Variants in DNAH5 observed in about 807,000 individuals in gnomAD.
DNAH5 encodes axonemal beta dynein heavy chain 5.
Under a neutral mutation model 518.2 loss-of-function variants are expected in DNAH5, and 372 were observed. The observed-to-expected ratio is 0.72, with a 90% confidence interval of 0.66 to 0.78. DNAH5 has a LOEUF of 0.78. Ranked by LOEUF, DNAH5 falls within the 30% of genes least tolerant of loss-of-function variation. DNAH5 has a pLI of 0.00. For missense variants in DNAH5, 5,523 were observed against 5,687.0 expected, an observed-to-expected ratio of 0.97 and a Z score of 0.93; for synonymous variants, 2,039 against 2,025.9, an observed-to-expected ratio of 1.01 and a Z score of -0.17.
At chr5:13,878,334 A>G (rs1167089816) in intron 21 of DNAH5, among the ~76,000 whole-genome samples, 1 of 152,236 alleles carries the variant, frequency 6.6e-6, no homozygotes, top group East Asian at 1.9e-4. Flanking sequence ...ACATGGAAAC[A>G]CTACCAGGGG....
chr5:13,729,874 G>T (rs1382864867), intron 68 of DNAH5, among the ~76,000 whole-genome samples: 2 of 152,102 alleles, frequency 1.3e-5, no homozygotes, highest in African/African-American at 2.4e-5. Flanking sequence ...AGTAAAATAA[G>T]AATAATTAAA....
intron 69 of DNAH5, among the ~76,000 whole-genome samples, chr5:13,729,126 T>C (rs965536277): frequency 6.6e-6 from 1 of 152,218 alleles, no homozygotes; most frequent in African/African-American, 2.4e-5. Flanking sequence ...TTTAAGTCTA[T>C]CTAATTATTT....
chr5:13,950,168 A>G (rs1780268107), intron 1 of DNAH5, among the ~76,000 whole-genome samples: 1 of 152,236 alleles, frequency 6.6e-6, no homozygotes, highest in South Asian at 2.1e-4. Context: ...GATGAGGCCT[A>G]TCACTTAAAC....
At position 13,777,237 on chromosome 5, in the gene DNAH5, A is replaced by G; in HGVS notation, c.9070T>C (p.Leu3024=). The change falls in exon 54 of 79, where the codon TTG becomes CTG. Residue 3024 remains leucine (L), a synonymous_variant. Transcript: ENST00000265104. ...TDNEIKDESF[L]EYMNNVLSSG... ...GATAAAACATTGTTCATATATTCCA[A>G]AAATGACTCATCTTTAATCTCATTG... The G allele has an allele frequency of 6.2e-7, 1 of 1,613,084 alleles. No homozygotes were observed. Among genetic ancestry groups the G allele is most frequent in the Non-Finnish European group, 8.5e-7 (1 of 1,179,434 alleles).
At position 13,871,059 on chromosome 5, in the gene DNAH5, G is replaced by A. The variant is rs74684591; in HGVS notation, c.3599-57C>T. On this transcript the variant is annotated intron_variant, in intron 23 of 78. Transcript: ENST00000265104. ...TTAAAAACTCGAATCAGTACGAAAA[G>A]TCAAACTGTCGCTGTTCTCCAGTAG... is the stretch of plus-strand genomic sequence containing the variant. The A allele has an allele frequency of 2.6e-3, 3,506 of 1,329,258 alleles. 61 individuals carry two copies. In the African/African-American group the frequency reaches 0.038, roughly 14 times the overall value. The allele number at this position is 1,329,258 out of a possible 1,614,324, so 82.3% of individuals were successfully genotyped here.
chr5:13,823,291 G>A lies in DNAH5; in HGVS notation c.6659C>T (p.Pro2220Leu), dbSNP rs144308691. 6.8e-5 allele frequency: 110 copies of A among 1,613,436 alleles called. No homozygotes were observed. The highest frequency in any genetic ancestry group is 6.1e-5 in the Non-Finnish European group (72 of 1,179,518). The change falls in exon 40 of 79, where the codon CCT (proline) becomes CTT (leucine). Residue 2220 changes from proline (P) to leucine (L), a missense_variant. Pro to Leu is a moderately conservative substitution (Grantham distance 98). Coordinates refer to ENST00000265104, the MANE Select transcript of DNAH5 (RefSeq NM_001369.3). ...PNILLDKAGY[P>L]ELEAAISRQV... The stretch of plus-strand genomic sequence containing the variant: ...TCTACTAATTGCTGCTTCCAGTTCA[G>A]GGTAACCTGCCTTGTCCAGAAGAAT...
chr5:13,863,268 T>C (rs1768754061), intron 28 of DNAH5, among the ~76,000 whole-genome samples: 1 of 152,090 alleles, frequency 6.6e-6, no homozygotes, highest in Admixed American at 6.6e-5. Context: ...CCCCTCTGGG[T>C]GAGCTCATTT....
At position 13,766,090 on chromosome 5, in the gene DNAH5, C is replaced by T. The variant is rs372955295; in HGVS notation, c.9987G>A (p.Leu3329=). 3.7e-6 allele frequency: 6 copies of T among 1,614,050 alleles called. No individual in the cohort carries two copies. Among genetic ancestry groups the T allele is most frequent in the Admixed American group, 1.7e-5 (1 of 59,988 alleles). ...IMRIMDCVLL[L]FQRKVSAVKI... ...TCACAGCACTGACTTTCCTTTGAAA[C>T]AGCAGCAGTACGCAATCCATGATCC... is the stretch of plus-strand genomic sequence containing the variant. Residue 3329 remains leucine, a synonymous_variant, in exon 59 of 79, where the codon CTG becomes CTA. Transcript: ENST00000265104.
intron 55 of DNAH5, among the ~76,000 whole-genome samples, chr5:13,775,002 A>G (rs535313932): frequency 6.6e-6 from 1 of 152,078 alleles, no homozygotes; most frequent in African/African-American, 2.4e-5. Context: ...GCTCTGAAAT[A>G]CTCTTGATCT....
chr5:13,906,009 A>G (rs944164667), intron 12 of DNAH5, among the ~76,000 whole-genome samples: 1 of 152,206 alleles, frequency 6.6e-6, no homozygotes, highest in African/African-American at 2.4e-5. Context: ...ATCACTAACT[A>G]AAAGAAGCCA....
At chr5:13,889,487 G>A (rs1480109712) in intron 17 of DNAH5, among the ~76,000 whole-genome samples, 1 of 152,216 alleles carries the variant, frequency 6.6e-6, no homozygotes, top group African/African-American at 2.4e-5. Context: ...GTCCTGCTTG[G>A]GAGGTGGTCC....
At chr5:13,964,923 T>C (rs758727796) in intron 1 of DNAH5, among the ~76,000 whole-genome samples, 45 of 152,242 alleles carry the variant, frequency 3.0e-4, no homozygotes, top group Non-Finnish European at 5.9e-4. Flanking sequence ...TTGTACCAGA[T>C]AGTAATACCT....
intron 1 of DNAH5, among the ~76,000 whole-genome samples, chr5:13,980,336 C>T (rs1782585823): frequency 6.6e-6 from 1 of 152,164 alleles, no homozygotes; most frequent in African/African-American, 2.4e-5. Context: ...AATTTCTTAT[C>T]TCCAACCCTG....
At chr5:14,006,896 CCTGCTG>C (rs1247166869) in intron 1 of DNAH5, among the ~76,000 whole-genome samples, 1 of 152,182 alleles carries the variant, frequency 6.6e-6, no homozygotes, top group African/African-American at 2.4e-5. Flanking sequence ...CCTCCTGCCT[CCTGCTG>C]CTGCCTCCAC....
intron 14 of DNAH5, 39 bp downstream of exon 14, chr5:13,901,213 G>T (rs1011181922): frequency 1.3e-6 from 2 of 1,590,158 alleles, no homozygotes; most frequent in African/African-American, 1.3e-5. Flanking sequence ...GGGTTCCCAT[G>T]ATTCCAACAA....
At position 13,864,327 on chromosome 5, in the gene DNAH5, T is replaced by A. The variant is rs951705481; in HGVS notation, c.4596+70A>T. 2.3e-4 allele frequency: 372 copies of A among 1,593,126 alleles called. 1 individual carries two copies. The highest frequency in any genetic ancestry group is 3.1e-4 in the Non-Finnish European group (364 of 1,165,194). On this transcript the variant is annotated intron_variant, in intron 28 of 78. Coordinates refer to ENST00000265104, the MANE Select transcript of DNAH5 (RefSeq NM_001369.3). ...TGAGTGTAGTTTACTGATCCAATAT[T>A]CCATAATATAGAAATGTTATCAAAT...
chr5:13,793,762 T>C, intron 48 of DNAH5, 34 bp from the exon 49 acceptor site: 1 of 1,602,422 alleles, frequency 6.2e-7, no homozygotes, highest in Non-Finnish European at 8.5e-7. Context: ...TAAAGCATCA[T>C]TCCTTTCTAT....
rs35963491 is a variant in DNAH5, at chr5:13,844,884, A to G, written c.5224T>C (p.Leu1742=). The G allele has an allele frequency of 1.4e-3, 2,212 of 1,614,170 alleles. 18 individuals are homozygous for G. In the African/African-American group the frequency reaches 0.025, roughly 18 times the overall value. The change falls in exon 32 of 79, where the codon TTG becomes CTG. Residue 1742 remains leucine, a synonymous_variant. Coordinates refer to ENST00000265104, the MANE Select transcript of DNAH5 (RefSeq NM_001369.3). ...TTAATGTTGTCAAACACATTCAGCA[A>G]ATGGGCCTGTATAGTGTGGGAGTCC... The part of the protein sequence containing the change: ...ASDSHTIQAH[L]LNVFDNIKSV...
intron 21 of DNAH5, among the ~76,000 whole-genome samples, chr5:13,877,716 A>T (rs1771086283): frequency 6.6e-6 from 1 of 152,170 alleles, no homozygotes; most frequent in African/African-American, 2.4e-5. Context: ...TGCAACACAC[A>T]GTTTCTCTCT....
Sources: gnomAD v4.1 joint callset for allele counts (sites outside exome capture counted in the v4.1 genomes callset) on GRCh38, gnomAD v4.1.1 for gene constraint, MANE v1.5 for transcripts, NCBI Gene and HGNC (gene_info 2026-07-23, HGNC 2026-07-21) for gene names.